CA10: variants seen among roughly 807,000 people sequenced by gnomAD.
CA10 encodes carbonic anhydrase-related protein 10.
CA10 carries 14 observed loss-of-function variants against 44.2 expected under a neutral mutation model. The ratio of observed to expected loss-of-function variants is 0.32; its 90% CI spans 0.21 to 0.50. The LOEUF (loss-of-function observed/expected upper bound fraction) is 0.50. Among genes scored for constraint, CA10 ranks in the 20% least tolerant of loss-of-function variants. The pLI is 0.99. For missense variants in CA10, 350 were observed against 409.7 expected, an observed-to-expected ratio of 0.85 and a Z score of 1.26; for synonymous variants, 159 against 141.6, an observed-to-expected ratio of 1.12 and a Z score of -0.87.
intron 2 of CA10, among the ~76,000 whole-genome samples, chr17:52,019,274 A>G (rs946751498): frequency 6.6e-5 from 10 of 152,164 alleles, no homozygotes; most frequent in Admixed American, 2.6e-4. Context: ...TCTCATTGCC[A>G]TTATTCTCTT....
intron 2 of CA10, among the ~76,000 whole-genome samples, chr17:51,957,924 C>T (rs1983728106): frequency 6.6e-6 from 1 of 152,044 alleles, no homozygotes; most frequent in Non-Finnish European, 1.5e-5. Context: ...AGGGGTGAAT[C>T]ATCCCTCCCT....
At chr17:52,124,290 A>G (rs182920816) in intron 1 of CA10, among the ~76,000 whole-genome samples, 1 of 152,198 alleles carries the variant, frequency 6.6e-6, no homozygotes, top group Non-Finnish European at 1.5e-5. Context: ...GAAGAAGGCA[A>G]TGCAAAACTT....
At chr17:51,687,964 C>A (rs1049776833) in intron 4 of CA10, among the ~76,000 whole-genome samples, 26 of 152,136 alleles carry the variant, frequency 1.7e-4, no homozygotes, top group Non-Finnish European at 2.8e-4. Context: ...GTGAAACCAA[C>A]AGGATATTAA....
intron 3 of CA10, among the ~76,000 whole-genome samples, chr17:51,774,748 C>G (rs1905750316): frequency 6.6e-6 from 1 of 152,048 alleles, no homozygotes; most frequent in African/African-American, 2.4e-5. Context: ...CCAGCCCACT[C>G]AAGGTCATCT....
At chr17:52,025,669 A>T (rs1986277719) in intron 2 of CA10, among the ~76,000 whole-genome samples, 1 of 152,120 alleles carries the variant, frequency 6.6e-6, no homozygotes. Context: ...GGACACTGCC[A>T]TTTCTATTCA....
chr17:51,808,763 A>C (rs1907237585), intron 3 of CA10, among the ~76,000 whole-genome samples: 1 of 152,184 alleles, frequency 6.6e-6, no homozygotes, highest in African/African-American at 2.4e-5. Flanking sequence ...AAAATTACAC[A>C]TGTCTAAAAG....
intron 4 of CA10, among the ~76,000 whole-genome samples, chr17:51,702,748 G>A (rs1726117699): frequency 6.6e-6 from 1 of 151,906 alleles, no homozygotes; most frequent in Non-Finnish European, 1.5e-5. Flanking sequence ...TTCCTGCTCT[G>A]TGAAATTGTC....
At chr17:51,990,881 A>G (rs966891725) in intron 2 of CA10, among the ~76,000 whole-genome samples, 11 of 152,090 alleles carry the variant, frequency 7.2e-5, no homozygotes, top group African/African-American at 2.7e-4. Flanking sequence ...CAGAAAAACC[A>G]CTTGTATCAT....
chr17:51,728,295 T>A (rs78084144), intron 4 of CA10, among the ~76,000 whole-genome samples: 5 of 152,180 alleles, frequency 3.3e-5, no homozygotes, highest in Non-Finnish European at 5.9e-5. Context: ...TTTTTTTTTT[T>A]ATTGAAACTA....
chr17:51,693,677 C>A (rs1915297852), intron 4 of CA10, among the ~76,000 whole-genome samples: 1 of 152,032 alleles, frequency 6.6e-6, no homozygotes, highest in African/African-American at 2.4e-5. Flanking sequence ...TGATTTCATT[C>A]TTTTTTTATT....
At chr17:51,690,043 G>A (rs1228577789) in intron 4 of CA10, among the ~76,000 whole-genome samples, 1 of 151,952 alleles carries the variant, frequency 6.6e-6, no homozygotes. Context: ...CACCTCCCAG[G>A]TTCAAGTGAT....
chr17:52,061,174 T>C (rs1327873535), intron 2 of CA10, among the ~76,000 whole-genome samples: 1 of 152,120 alleles, frequency 6.6e-6, no homozygotes, highest in Non-Finnish European at 1.5e-5. Flanking sequence ...GATCTTACGA[T>C]GGGGAGATCA....
intron 3 of CA10, among the ~76,000 whole-genome samples, chr17:51,898,896 C>T (rs11652395): frequency 0.098 from 14,905 of 151,446 alleles, 916 homozygotes; most frequent in African/African-American, 0.18. Flanking sequence ...TCAGTGGTAA[C>T]GTCCCCTTTG....
intron 3 of CA10, among the ~76,000 whole-genome samples, chr17:51,845,831 G>T (rs1217331043): frequency 1.3e-5 from 2 of 152,176 alleles, no homozygotes; most frequent in Non-Finnish European, 2.9e-5. Context: ...TGGCTTCTGT[G>T]AATGAGTTTT....
chr17:51,907,859 C>T (rs552550316), intron 3 of CA10, among the ~76,000 whole-genome samples: 1 of 152,270 alleles, frequency 6.6e-6, no homozygotes, highest in African/African-American at 2.4e-5. Flanking sequence ...AATGAACTTC[C>T]TGTGCACAAT....
rs1938990166 is a variant in CA10 at position 51,790,341 on chromosome 17, A to G, written c.280-42523T>C. Among the ~76,000 whole-genome samples the G allele has an allele frequency of 2.6e-5, 4 of 152,184 alleles. No individual in the cohort carries two copies. The South Asian group carries it at 8.3e-4, about 32-fold the overall frequency. On this transcript the variant is annotated intron_variant, in intron 3 of 8. Transcript: ENST00000451037. The stretch of plus-strand genomic sequence containing the variant: ...CTGGAACCTGGCTCCTGCGTGAAAC[A>G]GGATGACATGCCTGTTGTAGCAACT...
chr17:52,132,414 C>T (rs1266137530), intron 1 of CA10, among the ~76,000 whole-genome samples: 3 of 152,062 alleles, frequency 2.0e-5, no homozygotes, highest in Admixed American at 6.6e-5. Flanking sequence ...AACTGGAATC[C>T]CAGTGCCACA....
chr17:51,721,512 T>C (rs1317770400), intron 4 of CA10, among the ~76,000 whole-genome samples: 1 of 151,850 alleles, frequency 6.6e-6, no homozygotes, highest in Non-Finnish European at 1.5e-5. Context: ...AATTTTTCTA[T>C]TTTTAGTAGA....
At chr17:51,868,891 GTTTTTTTT>G (rs75281671) in intron 3 of CA10, among the ~76,000 whole-genome samples, 2 of 139,338 alleles carry the variant, frequency 1.4e-5, no homozygotes, top group African/African-American at 5.2e-5. Flanking sequence ...AAGTTTTTTT[GTTTTTTTT>G]TTTTTACAAA....
Sources: allele counts gnomAD v4.1 joint callset (sites outside exome capture counted in the v4.1 genomes callset), GRCh38; gene constraint gnomAD v4.1.1; transcripts MANE v1.5; gene names NCBI Gene and HGNC (gene_info 2026-07-23, HGNC 2026-07-21).